Variants in SYTL2 observed in about 807,000 individuals in gnomAD.
The protein encoded by SYTL2 is synaptotagmin like 2, also known as synaptotagmin-like protein 2.
In SYTL2, 165 loss-of-function variants were observed where a neutral mutation model predicts 198.7. That is an observed-to-expected ratio of 0.83 (90% confidence interval 0.73 to 0.94). SYTL2 has a LOEUF of 0.94. Among genes scored for constraint, SYTL2 ranks in the 40% least tolerant of loss-of-function variants. The probability of loss-of-function intolerance (pLI) is 0.00; values close to 1 mark genes in which losing one functional copy is unlikely to be tolerated. For missense variants in SYTL2, 2,835 were observed against 2,582.8 expected (o/e 1.10, Z -2.12); for synonymous variants, 966 against 917.7 (o/e 1.05, Z -0.95).
intron 1 of SYTL2, among the ~76,000 whole-genome samples, chr11:85,774,273 C>A (rs1284491350): frequency 1.3e-5 from 2 of 152,162 alleles, no homozygotes; most frequent in Admixed American, 1.3e-4. Context: ...TTCTCTACAC[C>A]ATAAGGCAAA....
rs1252487409 is a variant in SYTL2 at position 85,769,647 on chromosome 11, C to G, written c.-389-11533G>C. ...GATGTTACTTATTCATCTCTGAGTC[C>G]ATCTGTGAGTTGTGCCAAACCCCTA... On this transcript the variant is annotated intron_variant, in intron 1 of 19. Transcript: ENST00000359152. Among the ~76,000 whole-genome samples the G allele has an allele frequency of 2.0e-5, 3 of 152,188 alleles. No homozygotes were observed. In the East Asian group the frequency reaches 5.8e-4, roughly 29 times the overall value.
chr11:85,842,611 C>T, the SYTL2 span, among the ~76,000 whole-genome samples: 1 of 152,300 alleles, frequency 6.6e-6, no homozygotes, highest in South Asian at 2.1e-4. Context: ...GCACTAAAAC[C>T]CCCATATAAG....
intron 1 of SYTL2, among the ~76,000 whole-genome samples, chr11:85,791,333 A>G (rs2092728302): frequency 6.6e-6 from 1 of 152,164 alleles, no homozygotes; most frequent in Admixed American, 6.5e-5. Context: ...TTTGCTGGGT[A>G]CAGCACCTTA....
chr11:85,736,511 A>C lies in SYTL2; in HGVS notation c.576T>G (p.Thr192=). Residue 192 remains threonine, a synonymous_variant, in exon 6 of 20, where the codon ACT becomes ACG. Transcript: ENST00000359152. ...AAAAATAATATTTACCCTCTTTTGA[A>C]GTCTGAAATAAACCAGTTCTTCCAT... The part of the protein sequence containing the change: ...SKNGRTGLFQ[T]SKEDELSESK... 1 of 1,548,786 alleles carries C rather than the reference A, an allele frequency of 6.5e-7. No individual in the cohort carries two copies. Among genetic ancestry groups the C allele is most frequent in the Non-Finnish European group, 8.9e-7 (1 of 1,125,510 alleles).
chr11:85,760,147 G>T (rs910351870), intron 1 of SYTL2, among the ~76,000 whole-genome samples: 4 of 152,186 alleles, frequency 2.6e-5, no homozygotes, highest in African/African-American at 9.7e-5. Context: ...AGAAGAGCTT[G>T]TCCCAGTTAT....
chr11:85,812,159 G>C (rs2093043187), upstream of SYTL2, among the ~76,000 whole-genome samples: 1 of 152,154 alleles, frequency 6.6e-6, no homozygotes, highest in South Asian at 2.1e-4. Context: ...TTTTTTACAA[G>C]TTACCCATGA....
chr11:85,735,771 A>G (rs971306724), intron 6 of SYTL2, among the ~76,000 whole-genome samples: 4 of 152,080 alleles, frequency 2.6e-5, no homozygotes, highest in Non-Finnish European at 5.9e-5. Flanking sequence ...AAAAAAAAAG[A>G]AAAGTTAAAA....
chr11:85,776,436 T>C (rs2092452598), intron 1 of SYTL2, among the ~76,000 whole-genome samples: 1 of 152,162 alleles, frequency 6.6e-6, no homozygotes, highest in South Asian at 2.1e-4. Context: ...TGTGTTATGT[T>C]CCCCTCCCTG....
the SYTL2 span, among the ~76,000 whole-genome samples, chr11:85,847,332 T>C: frequency 6.6e-6 from 1 of 152,184 alleles, no homozygotes; most frequent in Non-Finnish European, 1.5e-5. Flanking sequence ...CTTAGCTCAA[T>C]TCTTTTGAGA....
intron 10 of SYTL2, among the ~76,000 whole-genome samples, chr11:85,718,015 A>C (rs2087641149): frequency 6.6e-6 from 1 of 152,236 alleles, no homozygotes; most frequent in Non-Finnish European, 1.5e-5. Flanking sequence ...AATGACCTTT[A>C]AGGAGCTCTG....
At position 85,695,089 on chromosome 11, in the gene SYTL2, G is replaced by T; in HGVS notation, c.*106C>A. 2 of 1,204,092 alleles carry T rather than the reference G, an allele frequency of 1.7e-6. No homozygotes were observed. Among genetic ancestry groups the T allele is most frequent in the South Asian group, 1.5e-5 (1 of 66,028 alleles). 74.6% of individuals were successfully genotyped at this position (1,204,092 alleles called of 1,614,324 possible). A position where few individuals can be genotyped will look rare whatever the true frequency, so the allele number is the denominator to read the frequency against. On this transcript the variant is annotated 3_prime_UTR_variant, in exon 20 of 20. Coordinates refer to ENST00000359152, the MANE Select transcript of SYTL2 (RefSeq NM_206927.4). ...TTTACATGCTGTGTAGTATTCCTTAGGTGCAATAGATAGAAAGTGAGGATA... is the reference window on the plus strand; with the variant it reads ...TTTACATGCTGTGTAGTATTCCTTATGTGCAATAGATAGAAAGTGAGGATA...
At chr11:85,797,114 C>T (rs1033936141) in intron 1 of SYTL2, among the ~76,000 whole-genome samples, 1 of 152,112 alleles carries the variant, frequency 6.6e-6, no homozygotes, top group Non-Finnish European at 1.5e-5. Context: ...TTGCTCGAGC[C>T]CAGGAGGTCA....
the SYTL2 span, among the ~76,000 whole-genome samples, chr11:85,833,879 C>T: frequency 1.3e-5 from 2 of 151,952 alleles, no homozygotes; most frequent in Non-Finnish European, 2.9e-5. Flanking sequence ...GCTGGGATTA[C>T]AAGCATACGT....
At chr11:85,848,652 T>A in the SYTL2 span, among the ~76,000 whole-genome samples, 2 of 152,266 alleles carry the variant, frequency 1.3e-5, no homozygotes, top group African/African-American at 4.8e-5. Context: ...TATTGGTCTA[T>A]ATGTTTGTCC....
intron 2 of SYTL2, among the ~76,000 whole-genome samples, chr11:85,753,641 C>T (rs2153540418): frequency 6.6e-6 from 1 of 151,428 alleles, no homozygotes; most frequent in Middle Eastern, 3.4e-3. Context: ...TGTGGTAGTA[C>T]ACACATGTGG....
the SYTL2 span, among the ~76,000 whole-genome samples, chr11:85,824,966 C>G: frequency 2.5e-4 from 38 of 152,340 alleles, no homozygotes; most frequent in Admixed American, 2.3e-3. Flanking sequence ...CTAGCTGCTA[C>G]GTCCATCCCT....
intron 4 of SYTL2, 54 bp downstream of exon 4, chr11:85,745,583 A>G: frequency 6.3e-7 from 1 of 1,576,202 alleles, no homozygotes; most frequent in Non-Finnish European, 8.7e-7. Context: ...CCCATGTGAC[A>G]CCCCAGGCCA....
At chr11:85,735,735 C>A (rs1313839998) in intron 6 of SYTL2, among the ~76,000 whole-genome samples, 1 of 150,214 alleles carries the variant, frequency 6.7e-6, no homozygotes, top group Non-Finnish European at 1.5e-5. Context: ...CCAGCCTGGG[C>A]AATAGAGTGG....
At chr11:85,792,971 T>C (rs941273642) in intron 1 of SYTL2, among the ~76,000 whole-genome samples, 1 of 151,648 alleles carries the variant, frequency 6.6e-6, no homozygotes, top group Non-Finnish European at 1.5e-5. Context: ...TCATTTTTTA[T>C]GGCTGCATAG....
Sources: gnomAD v4.1 joint callset for allele counts (sites outside exome capture counted in the v4.1 genomes callset) on GRCh38, gnomAD v4.1.1 for gene constraint, MANE v1.5 for transcripts, NCBI Gene and HGNC (gene_info 2026-07-23, HGNC 2026-07-21) for gene names.